The following ZNF227 variants were observed in gnomAD, a reference collection of about 807,000 sequenced individuals.
ZNF227 encodes the protein zinc finger protein 227.
A neutral mutation model predicts 13.2 loss-of-function variants in ZNF227; 12 were observed. That is an observed-to-expected ratio of 0.91 (90% CI 0.58 to 1.47). The LOEUF (loss-of-function observed/expected upper bound fraction) is 1.47, where lower values mean the gene tolerates loss of function less well. Among genes scored for constraint, ZNF227 ranks in the 40% most tolerant of loss-of-function variants. The pLI is 0.00. For synonymous variants in ZNF227, 338 were observed against 326.0 expected (o/e 1.04, Z -0.40); for missense variants, 885 against 967.5 (o/e 0.91, Z 1.13).
chr19:44,223,887 C>G (rs1972814639), intron 3 of ZNF227, among the ~76,000 whole-genome samples: 1 of 152,098 alleles, frequency 6.6e-6, no homozygotes, highest in Non-Finnish European at 1.5e-5. Context: ...TTCCTGCTTT[C>G]TCTTGTGGGC....
chr19:44,213,670 C>T (rs1337861022), intron 2 of ZNF227: 5 of 152,042 alleles, frequency 3.3e-5, no homozygotes, highest in African/African-American at 1.2e-4. Context: ...TGGTCTTAAT[C>T]TCAATGATAC....
At chr19:44,219,753 ATTTTC>A (rs1437423183) in intron 3 of ZNF227, among the ~76,000 whole-genome samples, 5 of 147,000 alleles carry the variant, frequency 3.4e-5, no homozygotes, top group Non-Finnish European at 6.0e-5. Context: ...TTGGATGTTG[ATTTTC>A]TTTTATTTAT....
chr19:44,215,310 T>G (rs1336051771), intron 2 of ZNF227, among the ~76,000 whole-genome samples: 1 of 151,778 alleles, frequency 6.6e-6, no homozygotes, highest in African/African-American at 2.4e-5. Context: ...GAGGTCAGTT[T>G]TTTTTTTATT....
chr19:44,207,930 A>C (rs1293423369), upstream of ZNF227: 2 of 152,224 alleles, frequency 1.3e-5, no homozygotes, highest in African/African-American at 4.8e-5. Flanking sequence ...TCATTCCTGA[A>C]GTAGAGTCAT....
chr19:44,217,765 C>T, intron 2 of ZNF227, 26 bp from the exon 3 acceptor site: 1 of 1,613,714 alleles, frequency 6.2e-7, no homozygotes, highest in South Asian at 1.1e-5. Flanking sequence ...AGGCTTGTGT[C>T]TCATGGCGTC....
chr19:44,233,358 CTGTTTTT>C (rs900094794), intron 5 of ZNF227, among the ~76,000 whole-genome samples: 2 of 152,014 alleles, frequency 1.3e-5, no homozygotes, highest in Non-Finnish European at 2.9e-5. Flanking sequence ...ATGTCTTATT[CTGTTTTT>C]TGTTTTTTTG....
At chr19:44,208,671 G>C (rs917481992), upstream of ZNF227, among the ~76,000 whole-genome samples, 16 of 152,180 alleles carry the variant, frequency 1.1e-4, no homozygotes, top group African/African-American at 3.9e-4. Flanking sequence ...ACGTCCATAT[G>C]AACCCAAGAA....
At chr19:44,220,813 C>G (rs970083822) in intron 3 of ZNF227, among the ~76,000 whole-genome samples, 1 of 152,004 alleles carries the variant, frequency 6.6e-6, no homozygotes, top group Non-Finnish European at 1.5e-5. Flanking sequence ...CCCGCCTCCC[C>G]CAACCCCACA....
rs977709744 is a variant in ZNF227, at chr19:44,235,577, GAA to G, written c.1148_1149del (p.Glu383GlyfsTer4). On this transcript the variant is annotated frameshift_variant, in exon 6 of 6. Coordinates refer to ENST00000313040, the MANE Select transcript of ZNF227 (RefSeq NM_182490.3). LOFTEE classifies it low-confidence loss of function (END_TRUNC). ...CACTGAAGAAAAACCATACAAATGC[GAA>G]GAGTGTGGTAAGGGCTTCGGTTGGA... ...VHTEEKPYKCEECGKGFGWSV... is the reference protein window; with the variant it reads ...VHTEEKPYKCXECGKGFGWSV... The G allele has an allele frequency of 3.7e-6, 6 of 1,614,058 alleles. No homozygotes were observed. Among genetic ancestry groups the G allele is most frequent in the Admixed American group, 3.3e-5 (2 of 60,006 alleles).
Position 44,237,027 on chromosome 19 carries a change from A to G in ZNF227, c.*197A>G. Reference sequence around the variant, plus strand: ...TAGAACTCGTATTTAGGGGAGAAATAGGGCTGGTGGCTCTCTTGGTAAGAT... The same window carrying G: ...TAGAACTCGTATTTAGGGGAGAAATGGGGCTGGTGGCTCTCTTGGTAAGAT... On this transcript the variant is annotated 3_prime_UTR_variant, in exon 6 of 6. Coordinates refer to ENST00000313040, the MANE Select transcript of ZNF227 (RefSeq NM_182490.3). The G allele has an allele frequency of 3.9e-6, 2 of 519,468 alleles. No individual in the cohort carries two copies. Among genetic ancestry groups the G allele is most frequent in the South Asian group, 3.3e-5 (1 of 30,096 alleles). The allele number at this position is 519,468 out of a possible 1,614,324, so 32.2% of individuals were successfully genotyped here.
chr19:44,216,563 T>C (rs1971898635), intron 2 of ZNF227, among the ~76,000 whole-genome samples: 1 of 152,226 alleles, frequency 6.6e-6, no homozygotes, highest in South Asian at 2.1e-4. Flanking sequence ...TTCTCAGCAA[T>C]TGCATCTTGA....
rs1235273820 is a variant in ZNF227, at chr19:44,235,321, T to C, written c.891T>C (p.Asn297=). 1 of 1,614,188 alleles carries C rather than the reference T, an allele frequency of 6.2e-7. No individual in the cohort carries two copies. Among genetic ancestry groups the C allele is most frequent in the Non-Finnish European group, 8.5e-7 (1 of 1,180,032 alleles). Residue 297 remains asparagine (N), a synonymous_variant, in exon 6 of 6, where the codon AAT becomes AAC. Transcript: ENST00000313040. ...HQRIHPGEKL[N]RCHESGDCFN... is the part of the protein sequence containing the mutation. ...GAATTCACCCAGGAGAGAAACTCAA[T>C]AGATGTCATGAATCTGGTGATTGCT...
chr19:44,222,907 A>G (rs1191765189), intron 3 of ZNF227, among the ~76,000 whole-genome samples: 1 of 150,820 alleles, frequency 6.6e-6, no homozygotes, highest in African/African-American at 2.4e-5. Context: ...GGTTTGTCAT[A>G]GATAGCTCTT....
chr19:44,234,110 T>C (rs1974159267), intron 5 of ZNF227, among the ~76,000 whole-genome samples: 2 of 152,186 alleles, frequency 1.3e-5, no homozygotes, highest in Admixed American at 1.3e-4. Flanking sequence ...GTTTGCACTA[T>C]GCTCTATTTC....
chr19:44,229,099 A>G (rs1370237186), intron 4 of ZNF227: 3 of 154,564 alleles, frequency 1.9e-5, no homozygotes, highest in Non-Finnish European at 2.9e-5. Flanking sequence ...AATAAAACAG[A>G]TAAGGATAGA....
chr19:44,230,908 C>CAAAAAAAAAAAA (rs561975781), intron 5 of ZNF227, among the ~76,000 whole-genome samples: 7 of 57,108 alleles, frequency 1.2e-4, no homozygotes, highest in African/African-American at 7.7e-4. Context: ...TCCATCTCTA[C>CAAAAAAAAAAAA]AAAAAAAAAA....
chr19:44,226,137 T>C (rs1973121617), intron 3 of ZNF227, among the ~76,000 whole-genome samples: 1 of 152,214 alleles, frequency 6.6e-6, no homozygotes. Context: ...ATTGTTCCTC[T>C]GGAAGTTTTG....
In ZNF227 at chr19:44,235,434, G is replaced by C. The variant is rs775433541; in HGVS notation, c.1004G>C (p.Ser335Thr). ...RCDSCGKGFS[S>T]STGLIIHYRT... The stretch of plus-strand genomic sequence containing the variant: ...GACAGTTGCGGCAAGGGATTCAGTA[G>C]CAGCACGGGTCTTATCATTCATTAC... The change falls in exon 6 of 6, where the codon AGC becomes ACC. Residue 335 changes from serine to threonine, a missense_variant. Coordinates refer to ENST00000313040, the MANE Select transcript of ZNF227 (RefSeq NM_182490.3). 1 of 1,614,080 alleles carries C rather than the reference G, an allele frequency of 6.2e-7. No homozygotes were observed. The highest frequency in any genetic ancestry group is 8.5e-7 in the Non-Finnish European group (1 of 1,180,016).
chr19:44,235,100 A>G lies in ZNF227; in HGVS notation c.670A>G (p.Lys224Glu). Reference protein sequence around the residue: ...HEHIKTDTEPKPCKGNEYGKI... With the variant: ...HEHIKTDTEPEPCKGNEYGKI... Reference sequence around the variant, plus strand: ...GCATATTAAAACTGACACAGAACCAAAACCCTGCAAAGGTAATGAATATGG... The same window carrying G: ...GCATATTAAAACTGACACAGAACCAGAACCCTGCAAAGGTAATGAATATGG... Residue 224 changes from lysine to glutamate, a missense_variant, in exon 6 of 6, where the codon AAA becomes GAA. Lys to Glu is a moderately conservative substitution (Grantham distance 56, BLOSUM62 1). Coordinates refer to ENST00000313040, the MANE Select transcript of ZNF227 (RefSeq NM_182490.3). The G allele has an allele frequency of 1.2e-6, 2 of 1,614,134 alleles. No homozygotes were observed. The highest frequency in any genetic ancestry group is 1.7e-5 in the Admixed American group (1 of 60,014).
Sources: gnomAD v4.1 joint callset for allele counts (sites outside exome capture counted in the v4.1 genomes callset) on GRCh38, gnomAD v4.1.1 for gene constraint, MANE v1.5 for transcripts, NCBI Gene and HGNC (gene_info 2026-07-23, HGNC 2026-07-21) for gene names.